Variants in CCDC9 observed in about 807,000 individuals in gnomAD.
The protein encoded by CCDC9 is coiled-coil domain containing 9, also known as coiled-coil domain-containing protein 9.
CCDC9 carries 52 observed loss-of-function variants against 65.6 expected under a neutral mutation model. The ratio of observed to expected loss-of-function variants is 0.79; its 90% CI spans 0.63 to 1.00. The LOEUF (loss-of-function observed/expected upper bound fraction) is 1.00, where lower values mean the gene tolerates loss of function less well. Among genes scored for constraint, CCDC9 ranks in the 50% least tolerant of loss-of-function variants. The probability of loss-of-function intolerance (pLI) is 0.00; values close to 1 mark genes in which losing one functional copy is unlikely to be tolerated. For missense variants in CCDC9, 834 were observed against 757.2 expected (o/e 1.10, Z -1.19); for synonymous variants, 332 against 280.3 (o/e 1.18, Z -1.84).
chr19:47,273,287 AG>A, downstream of CCDC9: 1 of 870,818 alleles, frequency 1.1e-6, no homozygotes, highest in East Asian at 3.7e-5. Flanking sequence ...TAGACGGGGG[AG>A]GGGTGCTGGG....
downstream of CCDC9, chr19:47,274,543 C>T (rs1302265572): frequency 1.2e-5 from 2 of 171,656 alleles, no homozygotes; most frequent in African/African-American, 2.5e-5. Context: ...GTTAGGGCTC[C>T]AGGCAGGGCT....
intron 7 of CCDC9, 140 bp from the exon 8 acceptor site, chr19:47,266,471 G>C: frequency 1.5e-6 from 2 of 1,319,448 alleles, no homozygotes; most frequent in Non-Finnish European, 2.0e-6. Context: ...GTGAGGAGGT[G>C]CCACCTGAGC....
downstream of CCDC9, chr19:47,275,187 G>A (rs1383638142): frequency 6.8e-6 from 10 of 1,475,926 alleles, no homozygotes; most frequent in African/African-American, 4.5e-5. Context: ...GGCGCCCGCC[G>A]CTGCCTCCCT....
At chr19:47,264,076 TC>T (rs1000027685) in intron 5 of CCDC9, among the ~76,000 whole-genome samples, 6 of 151,796 alleles carry the variant, frequency 4.0e-5, no homozygotes, top group African/African-American at 1.5e-4. Flanking sequence ...AGATGGGGTT[TC>T]CCCATGTTAG....
At chr19:47,268,907 G>A (rs1022199470) in intron 8 of CCDC9, among the ~76,000 whole-genome samples, 1 of 151,088 alleles carries the variant, frequency 6.6e-6, no homozygotes, top group Non-Finnish European at 1.5e-5. Flanking sequence ...GACAGAGAGA[G>A]ACTCCGTTTC....
In CCDC9 at chr19:47,258,588, G is replaced by C. The variant is rs2059026161; in HGVS notation, c.33G>C (p.Glu11Asp). 2 of 1,613,976 alleles carry C rather than the reference G, an allele frequency of 1.2e-6. No homozygotes were observed. The highest frequency in any genetic ancestry group is 1.7e-6 in the Non-Finnish European group (2 of 1,179,980). ...CCACACTCGATTTGAAATCAAAGGAGGAGAAGGATGCTGAGTTGGACAAGA... is the reference window on the plus strand; with the variant it reads ...CCACACTCGATTTGAAATCAAAGGACGAGAAGGATGCTGAGTTGGACAAGA... MAATLDLKSK[E>D]EKDAELDKRI... The change falls in exon 3 of 12, where the codon GAG becomes GAC. Residue 11 changes from glutamate (E) to aspartate (D), a missense_variant. Glu to Asp is a conservative substitution (Grantham distance 45). Transcript: ENST00000221922.
intron 1 of CCDC9, 78 bp downstream of exon 1, chr19:47,256,687 G>C (rs1377037397): frequency 6.6e-6 from 1 of 151,512 alleles, no homozygotes; most frequent in African/African-American, 2.4e-5. Flanking sequence ...AGTGCGAACA[G>C]GCCCGGGCGG....
In CCDC9 at chr19:47,266,754, G is replaced by A. The variant is rs1435999634; in HGVS notation, c.864G>A (p.Gln288=). ...AGAGGCACCGCAAGCCCACTGGCCA[G>A]TGGAGGCGCGAGTGGGATGCCGAGA... ...RLQRHRKPTG[Q]WRREWDAEKT... The change falls in exon 8 of 12, where the codon CAG becomes CAA. Residue 288 remains glutamine (Q), a synonymous_variant. Coordinates refer to ENST00000221922, the MANE Select transcript of CCDC9 (RefSeq NM_015603.3). The A allele has an allele frequency of 1.9e-6, 3 of 1,611,282 alleles. No homozygotes were observed. The highest frequency in any genetic ancestry group is 8.5e-7 in the Non-Finnish European group (1 of 1,178,812).
downstream of CCDC9, chr19:47,274,926 G>T: frequency 1.5e-6 from 2 of 1,326,486 alleles, no homozygotes; most frequent in Non-Finnish European, 9.5e-7. Flanking sequence ...GGGGATGCGG[G>T]GGACCAGCTG....
Position 47,260,717 on chromosome 19 carries a change from G to A in CCDC9, c.340G>A (p.Gly114Ser), listed in dbSNP as rs775822299. Reference sequence around the variant, plus strand: ...GGGCCGAGCATCGCGCAGCTGGGAGGGCAGCCCCGGGGAGCAGCCTCGAGG... The same window carrying A: ...GGGCCGAGCATCGCGCAGCTGGGAGAGCAGCCCCGGGGAGCAGCCTCGAGG... ...GMGRASRSWE[G>S]SPGEQPRGGG... Residue 114 changes from glycine to serine, a missense_variant, in exon 5 of 12, where the codon GGC becomes AGC. By Grantham distance (56) the Gly-to-Ser change is moderately conservative (BLOSUM62 0). Coordinates refer to ENST00000221922, the MANE Select transcript of CCDC9 (RefSeq NM_015603.3). 3.2e-6 allele frequency: 5 copies of A among 1,585,100 alleles called. No homozygotes were observed. The highest frequency in any genetic ancestry group is 2.7e-5 in the African/African-American group (2 of 73,866).
Position 47,271,758 on chromosome 19 carries a change from C to T in CCDC9, c.*80C>T, listed in dbSNP as rs548469531. On this transcript the variant is annotated 3_prime_UTR_variant, in exon 12 of 12. Transcript: ENST00000221922. ...GCGCGCGCGCGCGCGCGCGCGCGCG[C>T]GCTAGAGGGGTGTGGCTGGTGGGGG... is the stretch of plus-strand genomic sequence containing the variant. 5.6e-4 allele frequency: 670 copies of T among 1,194,242 alleles called. 4 individuals carry two copies. Among genetic ancestry groups the T allele is most frequent in the Admixed American group, 1.2e-3 (36 of 29,874 alleles). The allele number at this position is 1,194,242 out of a possible 1,614,324, so 74.0% of individuals were successfully genotyped here.
chr19:47,273,379 G>C (rs546658425), downstream of CCDC9: 111 of 1,231,946 alleles, frequency 9.0e-5, no homozygotes, highest in African/African-American at 1.6e-3. Context: ...AAGGCCAGGA[G>C]ACGGCGGAGA....
intron 8 of CCDC9, among the ~76,000 whole-genome samples, chr19:47,266,996 G>A (rs1271086246): frequency 1.3e-5 from 2 of 151,712 alleles, no homozygotes; most frequent in African/African-American, 4.8e-5. Context: ...ACGGAGTCTC[G>A]CTCTGTCGCC....
At chr19:47,263,948 G>T (rs540034196) in intron 5 of CCDC9, among the ~76,000 whole-genome samples, 5 of 151,426 alleles carry the variant, frequency 3.3e-5, no homozygotes, top group Non-Finnish European at 5.9e-5. Flanking sequence ...GCACAATCTC[G>T]GCTCACTGCA....
chr19:47,268,588 G>A (rs930260348), intron 8 of CCDC9, among the ~76,000 whole-genome samples: 4 of 152,082 alleles, frequency 2.6e-5, no homozygotes, highest in Admixed American at 2.0e-4. Flanking sequence ...TTTTTCTTAT[G>A]TGTCCTAAAA....
At chr19:47,266,457 C>G (rs939652441) in intron 7 of CCDC9, 154 bp from the exon 8 acceptor site, 4 of 1,187,464 alleles carry the variant, frequency 3.4e-6, no homozygotes, top group Non-Finnish European at 4.5e-6. Context: ...CTGAGAGGGC[C>G]TCTGTGAGGA....
At position 47,261,205 on chromosome 19, in the gene CCDC9, C is replaced by T. The variant is rs973907953; in HGVS notation, c.462+366C>T. 3.3e-5 allele frequency among the ~76,000 whole-genome samples: 5 copies of T among 152,138 alleles called. No individual in the cohort carries two copies. In the East Asian group the frequency reaches 9.7e-4, roughly 29 times the overall value. On this transcript the variant is annotated intron_variant, in intron 5 of 11. Transcript: ENST00000221922. Reference sequence around the variant, plus strand: ...TCTCCCTTTTTCTCGCTCTCTGGTGCATGCTTGCCCACTCATCCTCCGTCC... The same window carrying T: ...TCTCCCTTTTTCTCGCTCTCTGGTGTATGCTTGCCCACTCATCCTCCGTCC...
chr19:47,257,077 A>C, intron 1 of CCDC9, among the ~76,000 whole-genome samples: 1 of 145,840 alleles, frequency 6.9e-6, no homozygotes, highest in Admixed American at 6.8e-5. Flanking sequence ...CTGGCGGGGA[A>C]TGCTGGGGGT....
chr19:47,273,675 C>G (rs1402514919), downstream of CCDC9: 2 of 387,960 alleles, frequency 5.2e-6, no homozygotes, highest in Non-Finnish European at 9.1e-6. Flanking sequence ...GACGCTTCCG[C>G]GTTAGTCTCC....
Sources: gnomAD v4.1 joint callset for allele counts (sites outside exome capture counted in the v4.1 genomes callset) on GRCh38, gnomAD v4.1.1 for gene constraint, MANE v1.5 for transcripts, NCBI Gene and HGNC (gene_info 2026-07-23, HGNC 2026-07-21) for gene names.